Variants in SHANK2 observed in about 807,000 individuals in gnomAD.
The protein encoded by SHANK2 is SH3 and multiple ankyrin repeat domains protein 2.
SHANK2 carries 43 observed loss-of-function variants against 133.7 expected under a neutral mutation model. The observed-to-expected ratio is 0.32, with a 90% CI of 0.25 to 0.41. The LOEUF is 0.41. Among genes scored for constraint, SHANK2 ranks in the 10% least tolerant of loss-of-function variants. The probability of loss-of-function intolerance (pLI) is 1.00; values close to 1 mark genes in which losing one functional copy is unlikely to be tolerated. For missense variants in SHANK2, 1,994 were observed against 2,235.8 expected (o/e 0.89, Z 2.18); for synonymous variants, 1,017 against 952.8 (o/e 1.07, Z -1.24).
At chr11:70,580,715 G>A (rs538857513) in intron 17 of SHANK2, among the ~76,000 whole-genome samples, 14 of 152,366 alleles carry the variant, frequency 9.2e-5, no homozygotes, top group African/African-American at 3.1e-4. Context: ...CCCCGCTGCT[G>A]GCTGCCCAGC....
chr11:70,694,723 C>T (rs1441208736), intron 15 of SHANK2, among the ~76,000 whole-genome samples: 1 of 152,230 alleles, frequency 6.6e-6, no homozygotes, highest in Non-Finnish European at 1.5e-5. Flanking sequence ...CAGCCTCTCA[C>T]TCCACACCCA....
At chr11:70,697,648 A>G (rs1196271380) in intron 15 of SHANK2, among the ~76,000 whole-genome samples, 1 of 152,262 alleles carries the variant, frequency 6.6e-6, no homozygotes, top group Non-Finnish European at 1.5e-5. Flanking sequence ...ACAGACAAAC[A>G]AAAACAAATC....
chr11:70,709,369 C>A (rs1424333780), intron 14 of SHANK2, among the ~76,000 whole-genome samples: 1 of 152,242 alleles, frequency 6.6e-6, no homozygotes, highest in Non-Finnish European at 1.5e-5. Flanking sequence ...TTGACTGTGT[C>A]CTCTGCCACA....
At chr11:71,156,986 G>A (rs782759563) in intron 2 of SHANK2, among the ~76,000 whole-genome samples, 2 of 152,214 alleles carry the variant, frequency 1.3e-5, no homozygotes, top group Non-Finnish European at 2.9e-5. Flanking sequence ...GCCTGAAAGA[G>A]GGATAGCATT....
At chr11:70,766,208 G>A (rs895199) in intron 14 of SHANK2, among the ~76,000 whole-genome samples, 52,632 of 152,144 alleles carry the variant, frequency 0.35, 9,315 homozygotes, top group Non-Finnish European at 0.36. Context: ...CTTGAACTGC[G>A]AGGCAGCCTA....
chr11:70,933,593 T>C (rs536401021), intron 10 of SHANK2, among the ~76,000 whole-genome samples: 1 of 152,162 alleles, frequency 6.6e-6, no homozygotes, highest in Non-Finnish European at 1.5e-5. Context: ...CTGACAACAA[T>C]GGGTATATAT....
At chr11:71,105,040 C>A (rs1410575402) in intron 6 of SHANK2, among the ~76,000 whole-genome samples, 3 of 152,212 alleles carry the variant, frequency 2.0e-5, no homozygotes, top group African/African-American at 7.2e-5. Context: ...GTGTTTATGG[C>A]AGCTTGACCC....
At chr11:70,694,294 T>C (rs1382794585) in intron 15 of SHANK2, among the ~76,000 whole-genome samples, 2 of 152,222 alleles carry the variant, frequency 1.3e-5, no homozygotes, top group Non-Finnish European at 2.9e-5. Flanking sequence ...AGGGAGGGAA[T>C]TGGCTGGAAC....
intron 10 of SHANK2, among the ~76,000 whole-genome samples, chr11:70,925,180 T>G (rs1440172685): frequency 2.6e-5 from 4 of 152,212 alleles, no homozygotes; most frequent in Non-Finnish European, 4.4e-5. Flanking sequence ...TCTGAAAGCT[T>G]AAGCAGTTCC....
chr11:70,947,352 C>CA (rs1950763209), intron 10 of SHANK2, among the ~76,000 whole-genome samples: 1 of 96,422 alleles, frequency 1.0e-5, no homozygotes. Flanking sequence ...CTGACATCTA[C>CA]ATTTTTTTTT....
intron 11 of SHANK2, among the ~76,000 whole-genome samples, chr11:70,868,672 C>G (rs1288146162): frequency 1.3e-5 from 2 of 152,254 alleles, no homozygotes; most frequent in African/African-American, 4.8e-5. Flanking sequence ...CGGGGGCAGC[C>G]CAGGGCCCCA....
intron 11 of SHANK2, chr11:70,873,155 G>A (rs909850974): frequency 2.4e-5 from 11 of 467,276 alleles, no homozygotes; most frequent in East Asian, 7.0e-5. Context: ...ACAAAGAGCC[G>A]TTGCCACAGC....
At chr11:71,063,897 G>A (rs1228722244) in intron 9 of SHANK2, among the ~76,000 whole-genome samples, 9 of 152,100 alleles carry the variant, frequency 5.9e-5, no homozygotes, top group African/African-American at 1.2e-4. Context: ...CACTGTGCCC[G>A]CTGAGAACAC....
chr11:70,632,941 C>A (rs2061017026), intron 17 of SHANK2, among the ~76,000 whole-genome samples: 1 of 151,916 alleles, frequency 6.6e-6, no homozygotes, highest in Admixed American at 6.6e-5. Flanking sequence ...CCAGTGAGCC[C>A]CTTGCATGGA....
intron 3 of SHANK2, among the ~76,000 whole-genome samples, chr11:71,141,213 GC>G (rs1952547700): frequency 6.6e-6 from 1 of 152,166 alleles, no homozygotes; most frequent in Admixed American, 6.5e-5. Flanking sequence ...CAACAAAGAT[GC>G]TCACAGTGCT....
intron 12 of SHANK2, among the ~76,000 whole-genome samples, chr11:70,816,494 G>C (rs1464822122): frequency 1.3e-5 from 2 of 152,196 alleles, no homozygotes; most frequent in Non-Finnish European, 2.9e-5. Flanking sequence ...AAGAGCTCTG[G>C]GTCACCCAGG....
chr11:70,750,597 G>A (rs143091997), intron 14 of SHANK2, among the ~76,000 whole-genome samples: 44 of 152,288 alleles, frequency 2.9e-4, no homozygotes, highest in African/African-American at 9.9e-4. Flanking sequence ...CCATGGACAC[G>A]GAAAATGTCA....
Position 71,076,297 on chromosome 11 carries a change from T to C in SHANK2, c.913-1022A>G, listed in dbSNP as rs1051541471. On this transcript the variant is annotated intron_variant, in intron 8 of 25. Transcript: ENST00000601538. ...CCACCAAGGGCAGGCAGCCTAGGGG[T>C]GTTGAGAGCAGTAGGCGCCATGGTA... Among the ~76,000 whole-genome samples the C allele has an allele frequency of 1.5e-3, 228 of 150,144 alleles. 2 individuals carry two copies. Among genetic ancestry groups the C allele is most frequent in the African/African-American group, 4.8e-3 (194 of 40,792 alleles).
intron 1 of SHANK2, among the ~76,000 whole-genome samples, chr11:71,230,401 C>A (rs1467368562): frequency 6.6e-6 from 1 of 152,090 alleles, no homozygotes; most frequent in Non-Finnish European, 1.5e-5. Context: ...AACCCCATCT[C>A]TACTAAAAAT....
Sources: gnomAD v4.1 joint callset for allele counts (sites outside exome capture counted in the v4.1 genomes callset) on GRCh38, gnomAD v4.1.1 for gene constraint, MANE v1.5 for transcripts, NCBI Gene and HGNC (gene_info 2026-07-23, HGNC 2026-07-21) for gene names.